Variants in LYVE1 observed in about 807,000 individuals in gnomAD.
The protein encoded by LYVE1 is lymphatic vessel endothelial hyaluronan receptor 1.
Under a neutral mutation model 31.5 loss-of-function variants are expected in LYVE1, and 29 were observed. The ratio of observed to expected loss-of-function variants is 0.92; its 90% CI spans 0.69 to 1.26. The LOEUF is 1.26. Among genes scored for constraint, LYVE1 ranks in the 50% most tolerant of loss-of-function variants. LYVE1 has a pLI of 0.00. For missense variants in LYVE1, 376 were observed against 380.2 expected, an observed-to-expected ratio of 0.99 and a Z score of 0.09; for synonymous variants, 134 against 139.4, an observed-to-expected ratio of 0.96 and a Z score of 0.27.
At chr11:10,562,993 G>A (rs967879697) in intron 3 of LYVE1, among the ~76,000 whole-genome samples, 27 of 117,930 alleles carry the variant, frequency 2.3e-4, no homozygotes, top group Non-Finnish European at 3.5e-4. Flanking sequence ...TCACTCTGTC[G>A]CCCAGGCTGG....
intron 1 of LYVE1, among the ~76,000 whole-genome samples, chr11:10,566,018 C>A (rs1197697978): frequency 2.6e-5 from 4 of 152,180 alleles, no homozygotes; most frequent in Admixed American, 2.6e-4. Flanking sequence ...CCATGTTGGT[C>A]AGGTTGGTCT....
chr11:10,563,146 G>T lies in LYVE1; in HGVS notation c.397+794C>A, dbSNP rs537867925. ...TTTTTTGTATTTTTAGTAGAGACGG[G>T]GTTTCACCGTGTTAGGATGGTCTCA... On this transcript the variant is annotated intron_variant, in intron 3 of 5. Coordinates refer to ENST00000256178, the MANE Select transcript of LYVE1 (RefSeq NM_006691.4). Among the ~76,000 whole-genome samples, 121 of 151,744 alleles carry T rather than the reference G, an allele frequency of 8.0e-4. 1 individual carries two copies. The highest frequency in any genetic ancestry group is 1.4e-3 in the Non-Finnish European group (96 of 67,942).
At chr11:10,566,860 G>A (rs1328111408) in intron 1 of LYVE1, among the ~76,000 whole-genome samples, 1 of 152,120 alleles carries the variant, frequency 6.6e-6, no homozygotes, top group Non-Finnish European at 1.5e-5. Flanking sequence ...AGCAGAGGCG[G>A]GGCCCAGTAG....
intron 1 of LYVE1, among the ~76,000 whole-genome samples, chr11:10,567,267 A>T (rs139372778): frequency 6.6e-6 from 1 of 152,224 alleles, no homozygotes. Context: ...TTTATTCTGC[A>T]GTCATGGTTA....
At chr11:10,562,909 G>A (rs559018419) in intron 3 of LYVE1, among the ~76,000 whole-genome samples, 3 of 145,054 alleles carry the variant, frequency 2.1e-5, no homozygotes, top group Non-Finnish European at 3.0e-5. Flanking sequence ...GTAATGAGAC[G>A]TTAGACAAAT....
Position 10,560,684 on chromosome 11 carries a change from C to A in LYVE1, c.514G>T (p.Ala172Ser), listed in dbSNP as rs1850405735. The change falls in exon 4 of 6, where the codon GCA becomes TCA. Residue 172 changes from alanine (A) to serine (S), a missense_variant. Coordinates refer to ENST00000256178, the MANE Select transcript of LYVE1 (RefSeq NM_006691.4). ...GCAGGTATTGTAGAGTAAGGGGATG[C>A]CACCGAGTAGGTACTGTCACTGACA... The part of the protein sequence containing the change: ...FIVSDSTYSV[A>S]SPYSTIPAPT... The A allele has an allele frequency of 1.2e-6, 2 of 1,613,888 alleles. No individual in the cohort carries two copies. The highest frequency in any genetic ancestry group is 2.7e-5 in the African/African-American group (2 of 75,004).
chr11:10,560,451 A>C (rs1168033724), intron 4 of LYVE1, 44 bp downstream of exon 4: 25 of 1,491,060 alleles, frequency 1.7e-5, no homozygotes, highest in Non-Finnish European at 2.2e-5. Context: ...TCTGTTATAC[A>C]TGAACATACA....
chr11:10,561,621 GT>G (rs1850426269), intron 3 of LYVE1, among the ~76,000 whole-genome samples: 1 of 152,224 alleles, frequency 6.6e-6, no homozygotes. Context: ...ATGGCAGTAA[GT>G]GTTTAAATAG....
At chr11:10,563,871 T>A in intron 3 of LYVE1, 69 bp downstream of exon 3, 3 of 1,588,484 alleles carry the variant, frequency 1.9e-6, no homozygotes, top group Non-Finnish European at 2.6e-6. Context: ...GGGTTACTCT[T>A]CCCAGACAGG....
intron 1 of LYVE1, among the ~76,000 whole-genome samples, chr11:10,566,171 G>A (rs11042879): frequency 0.54 from 81,433 of 151,504 alleles, 22,312 homozygotes; most frequent in East Asian, 0.71. Context: ...GTGCAGTGGC[G>A]TGATCCATGC....
At chr11:10,559,368 G>T in intron 5 of LYVE1, 71 bp from the exon 6 acceptor site, 1 of 1,192,294 alleles carries the variant, frequency 8.4e-7, no homozygotes, top group Non-Finnish European at 1.2e-6. Context: ...TTTTGGCCAT[G>T]GTACATATTG....
chr11:10,559,208 C>T lies in LYVE1; in HGVS notation c.872G>A (p.Ser291Asn), dbSNP rs1251525614. Residue 291 changes from serine to asparagine, a missense_variant, in exon 6 of 6, where the codon AGC (serine) becomes AAC (asparagine). By Grantham distance (46) the Ser-to-Asn change is conservative. Coordinates refer to ENST00000256178, the MANE Select transcript of LYVE1 (RefSeq NM_006691.4). Reference protein sequence around the residue: ...KVVKEEKANDSNPNEESKKTD... With the variant: ...KVVKEEKANDNNPNEESKKTD... ...TTTCTTTGATTCCTCATTAGGGTTG[C>T]TATCATTGGCCTTCTCCTCCTTTAC... 1 of 1,614,042 alleles carries T rather than the reference C, an allele frequency of 6.2e-7. No homozygotes were observed. Among genetic ancestry groups the T allele is most frequent in the Non-Finnish European group, 8.5e-7 (1 of 1,179,900 alleles).
In LYVE1 at chr11:10,565,034, G is replaced by A. The variant is rs150768915; in HGVS notation, c.86-660C>T. Among the ~76,000 whole-genome samples, 1,231 of 152,254 alleles carry A rather than the reference G, an allele frequency of 8.1e-3. 18 individuals carry two copies. Among genetic ancestry groups the A allele is most frequent in the African/African-American group, 0.028 (1,178 of 41,528 alleles). On this transcript the variant is annotated intron_variant, in intron 1 of 5. Coordinates refer to ENST00000256178, the MANE Select transcript of LYVE1 (RefSeq NM_006691.4). ...GTCATTTGCTAGCTCTGTGACCTTA[G>A]CCTAGATACTTCATCTCTTTAATCT...
chr11:10,568,621 AG>A lies in LYVE1; in HGVS notation c.-90del. 1 of 1,500,630 alleles carries A rather than the reference AG, an allele frequency of 6.7e-7. No homozygotes were observed. Among genetic ancestry groups the A allele is most frequent in the Non-Finnish European group, 8.9e-7 (1 of 1,118,852 alleles). The allele number at this position is 1,500,630 out of a possible 1,614,324, so 93.0% of individuals were successfully genotyped here. A position where few individuals can be genotyped will look rare whatever the true frequency, so the allele number is the denominator to read the frequency against. On this transcript the variant is annotated 5_prime_UTR_variant, in exon 1 of 6. An upstream open reading frame in the 5' UTR loses its in-frame stop. Transcript: ENST00000256178. ...TGCTCAATAACTAGTCCGGATGGAG[AG>A]TTCTGGAACTATGTTGAGGCTCACA...
rs1165354593 is a variant in LYVE1, at chr11:10,557,011, C to T, written c.*2100G>A. ...GAAGATCACTACTTAGGCGCTTTCC[C>T]TCTTTTCTTCTTTACTCCCTGAGAA... On this transcript the variant is annotated 3_prime_UTR_variant, in exon 6 of 6. Transcript: ENST00000256178. 1.3e-5 allele frequency: 2 copies of T among 151,830 alleles called. No individual in the cohort carries two copies. Among genetic ancestry groups the T allele is most frequent in the African/African-American group, 4.8e-5 (2 of 41,306 alleles). 9.4% of individuals were successfully genotyped at this position (151,830 alleles called of 1,614,324 possible).
chr11:10,566,196 G>T (rs916759389), intron 1 of LYVE1, among the ~76,000 whole-genome samples: 5 of 151,828 alleles, frequency 3.3e-5, no homozygotes, highest in African/African-American at 4.8e-5. Context: ...TGCAACCTCT[G>T]CCTCCCGGGT....
chr11:10,560,634 T>C lies in LYVE1; in HGVS notation c.564A>G (p.Pro188=). ...TTCTCCGTGGAATAGAAGTGGAAGC[T>C]GGAGCAGGAGGAGTAGTAGTAGGGG... ...IPAPTTTPPA[P]ASTSIPRRKK... Residue 188 remains proline, a synonymous_variant, in exon 4 of 6, where the codon CCA becomes CCG. Coordinates refer to ENST00000256178, the MANE Select transcript of LYVE1 (RefSeq NM_006691.4). 1 of 1,614,154 alleles carries C rather than the reference T, an allele frequency of 6.2e-7. No homozygotes were observed. The highest frequency in any genetic ancestry group is 1.1e-5 in the South Asian group (1 of 91,074).
intron 3 of LYVE1, among the ~76,000 whole-genome samples, chr11:10,562,758 G>A (rs139551771): frequency 9.9e-5 from 15 of 152,234 alleles, no homozygotes; most frequent in African/African-American, 3.4e-4. Context: ...TCATGACCAC[G>A]AACAAATCAG....
At chr11:10,562,559 C>T (rs1160618832) in intron 3 of LYVE1, among the ~76,000 whole-genome samples, 1 of 152,192 alleles carries the variant, frequency 6.6e-6, no homozygotes, top group Non-Finnish European at 1.5e-5. Flanking sequence ...TGTGTATGAC[C>T]TCTCAGCCAC....
Sources: allele counts gnomAD v4.1 joint callset (sites outside exome capture counted in the v4.1 genomes callset), GRCh38; gene constraint gnomAD v4.1.1; transcripts MANE v1.5; gene names NCBI Gene and HGNC (gene_info 2026-07-23, HGNC 2026-07-21).